The following EPB41L3 variants were observed in gnomAD, a reference collection of about 807,000 sequenced individuals.
The protein encoded by EPB41L3 is erythrocyte membrane protein band 4.1 like 3, also known as band 4.1-like protein 3.
In EPB41L3, 57 loss-of-function variants were observed where a neutral mutation model predicts 127.1. The observed-to-expected ratio is 0.45, with a 90% CI of 0.36 to 0.56. EPB41L3 has a LOEUF of 0.56. EPB41L3 is among the 20% of genes least tolerant of loss of function. The pLI is 0.00. For synonymous variants in EPB41L3, 572 were observed against 549.5 expected (o/e 1.04, Z -0.57); for missense variants, 1,273 against 1,372.2 (o/e 0.93, Z 1.14).
intron 11 of EPB41L3, 143 bp from the exon 12 acceptor site, chr18:5,420,020 A>G: frequency 6.7e-7 from 1 of 1,482,078 alleles, no homozygotes; most frequent in South Asian, 1.4e-5. Flanking sequence ...TTACTGAAAA[A>G]AAAAATACCA....
chr18:5,565,250 AT>A (rs140919083), intron 3 of EPB41L3, among the ~76,000 whole-genome samples: 217 of 150,694 alleles, frequency 1.4e-3, no homozygotes, highest in Middle Eastern at 3.4e-3. Flanking sequence ...AAAAAAAAAA[AT>A]ACATACAAAA....
chr18:5,455,454 T>C (rs1317968300), intron 3 of EPB41L3, among the ~76,000 whole-genome samples: 1 of 152,192 alleles, frequency 6.6e-6, no homozygotes, highest in Non-Finnish European at 1.5e-5. Context: ...CATTTTGGTA[T>C]TATGCATTGT....
At chr18:5,568,755 T>A (rs1384754770) in intron 3 of EPB41L3, among the ~76,000 whole-genome samples, 2 of 152,186 alleles carry the variant, frequency 1.3e-5, no homozygotes, top group East Asian at 3.9e-4. Flanking sequence ...GCCCATAGTT[T>A]CAGACCCCTA....
At chr18:5,582,191 C>T (rs534790282) in intron 3 of EPB41L3, among the ~76,000 whole-genome samples, 96 of 151,502 alleles carry the variant, frequency 6.3e-4, no homozygotes, top group Non-Finnish European at 6.3e-4. Context: ...AATCTCAAGG[C>T]AGTGGGGCTC....
chr18:5,599,742 G>A (rs150604548), intron 3 of EPB41L3, among the ~76,000 whole-genome samples: 1 of 152,262 alleles, frequency 6.6e-6, no homozygotes, highest in African/African-American at 2.4e-5. Flanking sequence ...GCTCCCAGAA[G>A]CCTAGCAGAA....
At chr18:5,488,916 C>T in intron 2 of EPB41L3, 85 bp downstream of exon 2, 1 of 1,421,858 alleles carries the variant, frequency 7.0e-7, no homozygotes. Flanking sequence ...TCATAGCTGC[C>T]TCTAGGGCTA....
intron 1 of EPB41L3, among the ~76,000 whole-genome samples, chr18:5,529,928 ATG>A (rs10611279): frequency 0.45 from 66,475 of 146,510 alleles, 14,726 homozygotes; most frequent in Middle Eastern, 0.58. Context: ...CAACTCATAT[ATG>A]TGTGTGTGTG....
chr18:5,529,671 C>T (rs112526151), intron 1 of EPB41L3, among the ~76,000 whole-genome samples: 7 of 152,164 alleles, frequency 4.6e-5, no homozygotes, highest in African/African-American at 1.7e-4. Flanking sequence ...CACATTGCCC[C>T]AGCTCCATAG....
intron 16 of EPB41L3, chr18:5,400,876 T>TCTGGG: frequency 1.3e-6 from 1 of 775,958 alleles, no homozygotes; most frequent in Non-Finnish European, 2.1e-6. Context: ...ACAAGATAAA[T>TCTGGG]GTTAAAGGGA....
upstream of EPB41L3, among the ~76,000 whole-genome samples, chr18:5,546,726 A>G (rs2093887074): frequency 6.6e-6 from 1 of 152,170 alleles, no homozygotes; most frequent in South Asian, 2.1e-4. Context: ...GAGAAAAAGA[A>G]ACGTCAAATT....
intron 3 of EPB41L3, among the ~76,000 whole-genome samples, chr18:5,611,537 T>C (rs1441494524): frequency 2.0e-5 from 3 of 152,214 alleles, no homozygotes; most frequent in African/African-American, 4.8e-5. Context: ...TTCTGGAGAT[T>C]AGTTGTAAAA....
In EPB41L3 at chr18:5,410,608, C is replaced by T. The variant is rs1428343407; in HGVS notation, c.2079G>A (p.Glu693=). The T allele has an allele frequency of 3.3e-5, 53 of 1,613,586 alleles. No individual in the cohort carries two copies. The highest frequency in any genetic ancestry group is 4.2e-5 in the Non-Finnish European group (49 of 1,179,710). Residue 693 remains glutamate (E), a synonymous_variant, in exon 14 of 23, where the codon GAG becomes GAA. Coordinates refer to ENST00000341928, the MANE Select transcript of EPB41L3 (RefSeq NM_012307.5). ...CCCCGTCGGCTGCGGTGTCCGTGCG[C>T]TCACTGTCAGTCTGTTGACCACAGA... The part of the protein sequence containing the change: ...SDSSEEETDS[E]RTDTAADGET...
chr18:5,572,081 G>A (rs1762592969), intron 3 of EPB41L3, among the ~76,000 whole-genome samples: 1 of 152,164 alleles, frequency 6.6e-6, no homozygotes, highest in African/African-American at 2.4e-5. Flanking sequence ...AGTCTCACCA[G>A]TAGGCTTGGG....
chr18:5,522,058 G>A (rs2093012691), intron 1 of EPB41L3, among the ~76,000 whole-genome samples: 1 of 152,024 alleles, frequency 6.6e-6, no homozygotes, highest in Admixed American at 6.6e-5. Context: ...GTTATCTTTA[G>A]AACAGACATG....
chr18:5,614,591 T>C (rs996439850), intron 1 of EPB41L3, among the ~76,000 whole-genome samples: 5 of 152,164 alleles, frequency 3.3e-5, no homozygotes, highest in Non-Finnish European at 5.9e-5. Context: ...TGCTCCCTCA[T>C]TGGCTCTTTT....
intron 1 of EPB41L3, among the ~76,000 whole-genome samples, chr18:5,542,700 C>A (rs1163120385): frequency 1.3e-5 from 2 of 151,944 alleles, no homozygotes; most frequent in Admixed American, 1.3e-4. Context: ...CCAACTTTAA[C>A]CCTGGGCTGC....
chr18:5,572,727 C>A (rs1225043411), intron 3 of EPB41L3, among the ~76,000 whole-genome samples: 6 of 152,146 alleles, frequency 3.9e-5, no homozygotes, highest in African/African-American at 1.4e-4. Context: ...GTGGACACCA[C>A]CACACTCAGG....
At chr18:5,467,869 G>A (rs2085296981) in intron 3 of EPB41L3, among the ~76,000 whole-genome samples, 1 of 152,190 alleles carries the variant, frequency 6.6e-6, no homozygotes, top group African/African-American at 2.4e-5. Flanking sequence ...GCTCCACAGA[G>A]CCGGCAGGAG....
Position 5,556,842 on chromosome 18 carries a change from A to G in EPB41L3, c.-306+55498T>C, listed in dbSNP as rs1372822284. Among the ~76,000 whole-genome samples, 5 of 152,292 alleles carry G rather than the reference A, an allele frequency of 3.3e-5. No individual in the cohort carries two copies. In the East Asian group the frequency reaches 9.7e-4, roughly 29 times the overall value. On this transcript the variant is annotated intron_variant, in intron 3 of 21. Transcript: ENST00000545076. ...AGTGACTAAACCTGCTTCAAGGATC[A>G]TTGAGAGGATTAAATGAAATAATTC...
Sources: gnomAD v4.1 joint callset for allele counts (sites outside exome capture counted in the v4.1 genomes callset) on GRCh38, gnomAD v4.1.1 for gene constraint, MANE v1.5 for transcripts, NCBI Gene and HGNC (gene_info 2026-07-23, HGNC 2026-07-21) for gene names.